CNTNAP2: variants seen among roughly 807,000 people sequenced by gnomAD.
The protein encoded by CNTNAP2 is contactin-associated protein-like 2.
A neutral mutation model predicts 155.2 loss-of-function variants in CNTNAP2; 98 were observed. The observed-to-expected ratio is 0.63, with a 90% CI of 0.54 to 0.75. The LOEUF (loss-of-function observed/expected upper bound fraction) is 0.75, where lower values mean the gene tolerates loss of function less well. CNTNAP2 is among the 30% of genes least tolerant of loss of function. CNTNAP2 has a pLI of 0.00. For synonymous variants in CNTNAP2, 651 were observed against 631.2 expected (o/e 1.03, Z -0.47); for missense variants, 1,727 against 1,688.1 (o/e 1.02, Z -0.40).
chr7:146,410,374 CTATTTACAGAAAA>C (rs1366515116), intron 1 of CNTNAP2, among the ~76,000 whole-genome samples: 2 of 152,268 alleles, frequency 1.3e-5, no homozygotes, highest in African/African-American at 4.8e-5. Flanking sequence ...TACTATCTTG[CTATTTACAGAAAA>C]TATTTGCTGA....
At chr7:148,207,289 G>A (rs1795466311) in intron 18 of CNTNAP2, among the ~76,000 whole-genome samples, 1 of 152,216 alleles carries the variant, frequency 6.6e-6, no homozygotes, top group Non-Finnish European at 1.5e-5. Context: ...AAATAGCTAA[G>A]TAGTCGGGCA....
At chr7:147,339,364 G>A (rs1477925777) in intron 9 of CNTNAP2, among the ~76,000 whole-genome samples, 1 of 152,040 alleles carries the variant, frequency 6.6e-6, no homozygotes, top group Non-Finnish European at 1.5e-5. Context: ...ATAACAGTAG[G>A]TCATTATAAA....
chr7:147,547,681 C>G (rs183008168), intron 11 of CNTNAP2, among the ~76,000 whole-genome samples: 1 of 152,026 alleles, frequency 6.6e-6, no homozygotes, highest in Admixed American at 6.6e-5. Context: ...GCAGAACATG[C>G]AGGTTTGTTA....
Position 146,357,740 on chromosome 7 carries a change from C to G in CNTNAP2, c.97+240767C>G, listed in dbSNP as rs941571992. On this transcript the variant is annotated intron_variant, in intron 1 of 23. Transcript: ENST00000361727. The stretch of plus-strand genomic sequence containing the variant: ...TATAGGTAAGATACACTGTTACATC[C>G]AAACTTTAATATAATTTTACAGGTA... Among the ~76,000 whole-genome samples, 4 of 152,006 alleles carry G rather than the reference C, an allele frequency of 2.6e-5. No homozygotes were observed. The East Asian group carries it at 7.7e-4, about 29-fold the overall frequency.
intron 8 of CNTNAP2, among the ~76,000 whole-genome samples, chr7:147,190,287 A>G (rs975161786): frequency 6.6e-6 from 1 of 152,206 alleles, no homozygotes; most frequent in East Asian, 1.9e-4. Flanking sequence ...CTACTTATGT[A>G]ATGTATTTTT....
At chr7:146,210,414 C>T (rs1562991161) in intron 1 of CNTNAP2, among the ~76,000 whole-genome samples, 2 of 152,140 alleles carry the variant, frequency 1.3e-5, no homozygotes, top group Admixed American at 6.5e-5. Flanking sequence ...AGTGATTCTC[C>T]TGCCTCAGCT....
chr7:146,130,440 A>G (rs528956361), intron 1 of CNTNAP2, among the ~76,000 whole-genome samples: 1 of 152,360 alleles, frequency 6.6e-6, no homozygotes, highest in Admixed American at 6.5e-5. Flanking sequence ...ACTGCATTTC[A>G]GCCAGCTGAG....
rs527521531 is a variant in CNTNAP2, at chr7:147,523,392, A to C, written c.1777+37351A>C. Among the ~76,000 whole-genome samples, 4 of 152,260 alleles carry C rather than the reference A, an allele frequency of 2.6e-5. No individual in the cohort carries two copies. In the East Asian group the frequency reaches 7.7e-4, roughly 29 times the overall value. On this transcript the variant is annotated intron_variant, in intron 11 of 23. Coordinates refer to ENST00000361727, the MANE Select transcript of CNTNAP2 (RefSeq NM_014141.6). ...CTAATCATGGAAATGACATTTCATC[A>C]CTTCACCGTATTGTATTCTTTGGAA...
intron 1 of CNTNAP2, among the ~76,000 whole-genome samples, chr7:146,683,485 A>G (rs1442549497): frequency 6.6e-6 from 1 of 152,220 alleles, no homozygotes; most frequent in Non-Finnish European, 1.5e-5. Flanking sequence ...CTCTCAGAAG[A>G]CCAGATGAAC....
chr7:148,285,201 G>A (rs916110154), intron 21 of CNTNAP2, among the ~76,000 whole-genome samples: 1 of 152,144 alleles, frequency 6.6e-6, no homozygotes, highest in African/African-American at 2.4e-5. Flanking sequence ...CAGACTCTGT[G>A]GTCTAAGTAA....
At chr7:146,438,913 T>C (rs1021851790) in intron 1 of CNTNAP2, among the ~76,000 whole-genome samples, 1 of 151,618 alleles carries the variant, frequency 6.6e-6, no homozygotes, top group Non-Finnish European at 1.5e-5. Context: ...ATCCTGAGCA[T>C]AGATTTTAAT....
intron 8 of CNTNAP2, among the ~76,000 whole-genome samples, chr7:147,148,790 C>T (rs933165408): frequency 1.4e-4 from 22 of 152,180 alleles, no homozygotes; most frequent in Middle Eastern, 3.4e-3. Context: ...TCACTGACTT[C>T]GGGAGTGAAG....
intron 8 of CNTNAP2, among the ~76,000 whole-genome samples, chr7:147,184,773 T>C (rs898440988): frequency 1.3e-5 from 2 of 152,170 alleles, no homozygotes; most frequent in African/African-American, 4.8e-5. Context: ...GGGATCGCAA[T>C]GTACTTAAAT....
chr7:147,563,492 C>G (rs10246551), intron 12 of CNTNAP2, among the ~76,000 whole-genome samples: 67,813 of 151,516 alleles, frequency 0.45, 15,360 homozygotes, highest in East Asian at 0.61. Flanking sequence ...AGCTGGGCTT[C>G]GTGGCACACA....
intron 8 of CNTNAP2, among the ~76,000 whole-genome samples, chr7:147,241,066 T>C (rs951684601): frequency 3.3e-5 from 5 of 152,212 alleles, no homozygotes; most frequent in Admixed American, 3.3e-4. Flanking sequence ...AGAGCATCTG[T>C]ACTTAAAAGA....
intron 2 of CNTNAP2, among the ~76,000 whole-genome samples, chr7:146,833,883 A>AT (rs1293768861): frequency 1.3e-5 from 2 of 152,208 alleles, no homozygotes; most frequent in Admixed American, 1.3e-4. Flanking sequence ...TGTTTATCTT[A>AT]TTTTTTGATC....
chr7:147,061,863 G>T (rs146942912), intron 4 of CNTNAP2, among the ~76,000 whole-genome samples: 7,923 of 151,002 alleles, frequency 0.052, no homozygotes, highest in African/African-American at 0.16. Flanking sequence ...GGCCGGGCAC[G>T]GTGGCTCACG....
At chr7:147,527,015 C>CTTTTCTTTTTTTTT (rs1562981280) in intron 11 of CNTNAP2, among the ~76,000 whole-genome samples, 4 of 65,182 alleles carry the variant, frequency 6.1e-5, no homozygotes, top group South Asian at 5.9e-4. Flanking sequence ...ACAGGCATTT[C>CTTTTCTTTTTTTTT]TTTTTTTTTT....
intron 1 of CNTNAP2, among the ~76,000 whole-genome samples, chr7:146,540,660 G>A (rs1797938793): frequency 6.6e-6 from 1 of 151,924 alleles, no homozygotes; most frequent in Non-Finnish European, 1.5e-5. Context: ...TACCCCCATT[G>A]GTTAGAAGCT....
Sources: gnomAD v4.1 joint callset for allele counts (sites outside exome capture counted in the v4.1 genomes callset) on GRCh38, gnomAD v4.1.1 for gene constraint, MANE v1.5 for transcripts, NCBI Gene and HGNC (gene_info 2026-07-23, HGNC 2026-07-21) for gene names.